The following PCLO variants were observed in gnomAD, a reference collection of about 807,000 sequenced individuals.
PCLO encodes the protein protein piccolo.
PCLO carries 82 observed loss-of-function variants against 427.5 expected under a neutral mutation model. The observed-to-expected ratio is 0.19, with a 90% CI of 0.16 to 0.23. PCLO has a LOEUF of 0.23. Among genes scored for constraint, PCLO ranks in the 10% least tolerant of loss-of-function variants. The pLI is 1.00. For synonymous variants in PCLO, 2,357 were observed against 2,155.4 expected, an observed-to-expected ratio of 1.09 and a Z score of -2.59; for missense variants, 6,239 against 6,115.9, an observed-to-expected ratio of 1.02 and a Z score of -0.67.
At chr7:83,073,779 C>T (rs1197178603) in intron 3 of PCLO, among the ~76,000 whole-genome samples, 1 of 151,086 alleles carries the variant, frequency 6.6e-6, no homozygotes, top group East Asian at 1.9e-4. Flanking sequence ...ACTATTTTAA[C>T]ATAAATTTTT....
chr7:83,077,891 T>C (rs1789996770), intron 3 of PCLO, among the ~76,000 whole-genome samples: 1 of 152,026 alleles, frequency 6.6e-6, no homozygotes, highest in African/African-American at 2.4e-5. Context: ...AACAGGTAAG[T>C]CTAAAAATGC....
At chr7:83,083,418 T>C (rs75577074) in intron 3 of PCLO, among the ~76,000 whole-genome samples, 18,445 of 151,898 alleles carry the variant, frequency 0.12, 1,416 homozygotes, top group Middle Eastern at 0.25. Flanking sequence ...GGATGTAAAA[T>C]TTTAGCTTTT....
Position 82,951,482 on chromosome 7 carries a change from T to C in PCLO, c.9106A>G (p.Met3036Val). Residue 3036 changes from methionine (M) to valine (V), a missense_variant, in exon 6 of 25, where the codon ATG becomes GTG. Physicochemically the swap from Met to Val is conservative, Grantham distance 21 (BLOSUM62 1). Transcript: ENST00000333891. Reference protein sequence around the residue: ...TSGRVTTGEVMDYSSKTTGPY... With the variant: ...TSGRVTTGEVVDYSSKTTGPY... ...CCTGTAGTCTTGCTTGAATAATCCA[T>C]TACCTCACCTGAAATACAGGGCAGA... 1 of 1,563,506 alleles carries C rather than the reference T, an allele frequency of 6.4e-7. No individual in the cohort carries two copies. Among genetic ancestry groups the C allele is most frequent in the Non-Finnish European group, 8.7e-7 (1 of 1,151,476 alleles).
chr7:82,971,594 TATATG>T (rs1393473708), intron 3 of PCLO, among the ~76,000 whole-genome samples: 9 of 147,612 alleles, frequency 6.1e-5, no homozygotes, highest in South Asian at 4.2e-4. Flanking sequence ...ATATATAATA[TATATG>T]ATATGATATA....
In PCLO at chr7:82,966,130, GT is replaced by G. The variant is rs1795765698; in HGVS notation, c.3657del (p.Lys1219AsnfsTer2). The G allele has an allele frequency of 2.5e-6, 4 of 1,602,308 alleles. No homozygotes were observed. The highest frequency in any genetic ancestry group is 1.1e-5 in the South Asian group (1 of 88,712). On this transcript the variant is annotated frameshift_variant, in exon 4 of 25. Transcript: ENST00000333891. LOFTEE classifies it high-confidence loss of function. ...CGTATCTTTTCTTCTTCAGGGATTA[GT>G]TTTTTTTCTTCAGGGAGTGGCTTTT... is the stretch of plus-strand genomic sequence containing the variant. ...QEKKPLPEEK[K>X]LIPEEEKIRS...
At chr7:82,831,735 A>G (rs187661871) in intron 16 of PCLO, among the ~76,000 whole-genome samples, 1 of 152,310 alleles carries the variant, frequency 6.6e-6, no homozygotes. Flanking sequence ...TTTAGAATTA[A>G]TGAAAGTAAA....
At chr7:83,083,994 T>G (rs984331685) in intron 3 of PCLO, among the ~76,000 whole-genome samples, 4 of 152,166 alleles carry the variant, frequency 2.6e-5, no homozygotes, top group African/African-American at 9.6e-5. Context: ...TGTAGGAAAC[T>G]CATCAGAGCA....
intron 3 of PCLO, among the ~76,000 whole-genome samples, chr7:83,067,917 T>C (rs1330091763): frequency 1.3e-5 from 2 of 152,276 alleles, no homozygotes; most frequent in East Asian, 1.9e-4. Flanking sequence ...TTACATACTT[T>C]CTGTGCATAT....
At chr7:82,818,440 G>A (rs1044096884) in intron 20 of PCLO, among the ~76,000 whole-genome samples, 2 of 152,114 alleles carry the variant, frequency 1.3e-5, no homozygotes, top group Non-Finnish European at 2.9e-5. Flanking sequence ...CTTGCACAGT[G>A]GGAAGGCTTC....
At position 82,919,671 on chromosome 7, in the gene PCLO, A is replaced by G. The variant is rs550209632; in HGVS notation, c.11113-2798T>C. 7.9e-5 allele frequency among the ~76,000 whole-genome samples: 12 copies of G among 151,986 alleles called. No individual in the cohort carries two copies. The South Asian group carries it at 2.3e-3, about 29-fold the overall frequency. On this transcript the variant is annotated intron_variant, in intron 6 of 24. Transcript: ENST00000333891. ...GTTGAGAGAAAGCAACAGATTTTAAACAATGAAGGAGGATGTGGGAAGAAT... is the reference window on the plus strand; with the variant it reads ...GTTGAGAGAAAGCAACAGATTTTAAGCAATGAAGGAGGATGTGGGAAGAAT...
chr7:83,078,309 T>C (rs1180286648), intron 3 of PCLO, among the ~76,000 whole-genome samples: 1 of 152,086 alleles, frequency 6.6e-6, no homozygotes, highest in Non-Finnish European at 1.5e-5. Flanking sequence ...TTTACAATAG[T>C]CTGGTAGCTC....
At chr7:83,100,318 C>T (rs191626953) in intron 3 of PCLO, among the ~76,000 whole-genome samples, 2 of 151,978 alleles carry the variant, frequency 1.3e-5, no homozygotes, top group African/African-American at 4.8e-5. Context: ...GGGAATATAC[C>T]CCACAAAATA....
intron 9 of PCLO, among the ~76,000 whole-genome samples, chr7:82,898,102 GCTTAATTTGGA>G (rs1793950644): frequency 6.6e-6 from 1 of 151,368 alleles, no homozygotes; most frequent in South Asian, 2.1e-4. Flanking sequence ...TTGTAAATCG[GCTTAATTTGGA>G]CTTAATAGAA....
chr7:82,865,415 G>A (rs1793068157), intron 10 of PCLO, among the ~76,000 whole-genome samples: 1 of 152,128 alleles, frequency 6.6e-6, no homozygotes, highest in Admixed American at 6.6e-5. Context: ...TTGAACCAGG[G>A]AGGCAGACAG....
At chr7:82,796,718 G>C (rs545983176) in intron 22 of PCLO, among the ~76,000 whole-genome samples, 1 of 150,078 alleles carries the variant, frequency 6.7e-6, no homozygotes, top group African/African-American at 2.5e-5. Flanking sequence ...TACAATAGGT[G>C]TGGTACAGTC....
At chr7:83,121,573 C>G (rs1342217289) in intron 3 of PCLO, among the ~76,000 whole-genome samples, 1 of 151,978 alleles carries the variant, frequency 6.6e-6, no homozygotes, top group African/African-American at 2.4e-5. Flanking sequence ...CAATCAAAGA[C>G]AGAGTGGCTG....
At chr7:82,901,183 A>C (rs1447523834) in intron 9 of PCLO, among the ~76,000 whole-genome samples, 2 of 151,930 alleles carry the variant, frequency 1.3e-5, no homozygotes, top group African/African-American at 4.8e-5. Context: ...GTACCTCCTC[A>C]TATTAATGAT....
chr7:83,050,227 A>AAAAC (rs1554385581), intron 3 of PCLO, among the ~76,000 whole-genome samples: 1 of 85,650 alleles, frequency 1.2e-5, no homozygotes, highest in Non-Finnish European at 2.7e-5. Context: ...AAAAAAAAAA[A>AAAAC]AAAAAAAAAA....
At chr7:82,780,960 T>A (rs1307166424) in intron 22 of PCLO, among the ~76,000 whole-genome samples, 1 of 152,162 alleles carries the variant, frequency 6.6e-6, no homozygotes, top group African/African-American at 2.4e-5. Context: ...TCACATAATT[T>A]AATTCTTGGG....
Sources: allele counts gnomAD v4.1 joint callset (sites outside exome capture counted in the v4.1 genomes callset), GRCh38; gene constraint gnomAD v4.1.1; transcripts MANE v1.5; gene names NCBI Gene and HGNC (gene_info 2026-07-23, HGNC 2026-07-21).